The following MTA3 variants were observed in gnomAD, a reference collection of about 807,000 sequenced individuals.
MTA3 encodes metastasis-associated protein MTA3.
A neutral mutation model predicts 83.5 loss-of-function variants in MTA3; 34 were observed. The ratio of observed to expected loss-of-function variants is 0.41; its 90% CI spans 0.31 to 0.54. The LOEUF is 0.54. MTA3 is among the 20% of genes least tolerant of loss of function. The pLI, the probability that MTA3 is intolerant of heterozygous loss-of-function variation, is 0.33. For missense variants in MTA3, 761 were observed against 726.4 expected, an observed-to-expected ratio of 1.05 and a Z score of -0.55; for synonymous variants, 303 against 252.7, an observed-to-expected ratio of 1.20 and a Z score of -1.89.
intron 2 of MTA3, among the ~76,000 whole-genome samples, chr2:42,496,157 T>TA (rs1384791627): frequency 6.6e-6 from 1 of 152,234 alleles, no homozygotes; most frequent in Non-Finnish European, 1.5e-5. Context: ...GTTGAAGAAA[T>TA]ATCTCATTTT....
chr2:42,699,808 C>T (rs1693704424), intron 11 of MTA3, among the ~76,000 whole-genome samples: 1 of 152,130 alleles, frequency 6.6e-6, no homozygotes. Context: ...TGGTCTTAAA[C>T]TCAGTGTGGG....
At chr2:42,597,224 AATT>A (rs906121778) in intron 3 of MTA3, among the ~76,000 whole-genome samples, 1 of 151,412 alleles carries the variant, frequency 6.6e-6, no homozygotes, top group Non-Finnish European at 1.5e-5. Flanking sequence ...CTTTTTAAAA[AATT>A]ATTATTATTA....
chr2:42,554,490 T>C (rs1677285139), intron 2 of MTA3, among the ~76,000 whole-genome samples: 1 of 152,172 alleles, frequency 6.6e-6, no homozygotes, highest in East Asian at 1.9e-4. Flanking sequence ...TCAGCTGTTC[T>C]TAGAGGAAAG....
At chr2:42,556,144 G>GA (rs904921125) in intron 2 of MTA3, among the ~76,000 whole-genome samples, 18 of 150,750 alleles carry the variant, frequency 1.2e-4, no homozygotes, top group East Asian at 5.9e-4. Context: ...GCTCCCTGGG[G>GA]AAAAAAAAAG....
chr2:42,550,974 C>T (rs1015445091), intron 2 of MTA3, among the ~76,000 whole-genome samples: 1 of 151,664 alleles, frequency 6.6e-6, no homozygotes, highest in Non-Finnish European at 1.5e-5. Flanking sequence ...TAGCTTGAAT[C>T]CAGGAGGGGA....
intron 3 of MTA3, among the ~76,000 whole-genome samples, chr2:42,583,547 T>A (rs1679907070): frequency 6.6e-6 from 1 of 152,174 alleles, no homozygotes; most frequent in African/African-American, 2.4e-5. Context: ...TTTTTTTTAT[T>A]TTTTGAGATA....
At chr2:42,618,569 C>T (rs562816483) in intron 4 of MTA3, among the ~76,000 whole-genome samples, 9 of 152,150 alleles carry the variant, frequency 5.9e-5, no homozygotes, top group Admixed American at 2.0e-4. Flanking sequence ...AATTGCATTG[C>T]GCAGAAGTAC....
At chr2:42,648,229 C>T (rs1573466310) in intron 6 of MTA3, among the ~76,000 whole-genome samples, 1 of 152,148 alleles carries the variant, frequency 6.6e-6, no homozygotes, top group East Asian at 1.9e-4. Flanking sequence ...ACTTGAAAAA[C>T]ATGGTCATTG....
In MTA3 at chr2:42,754,488, C is replaced by G; in HGVS notation, c.*1089C>G. 3 of 985,564 alleles carry G rather than the reference C, an allele frequency of 3.0e-6. No individual in the cohort carries two copies. The highest frequency in any genetic ancestry group is 2.4e-6 in the Non-Finnish European group (2 of 830,048). The allele number at this position is 985,564 out of a possible 1,614,324, so 61.1% of individuals were successfully genotyped here. On this transcript the variant is annotated 3_prime_UTR_variant, in exon 17 of 17. Transcript: ENST00000405094. ...TTCCCACCTGCCCTCGGCACGAGCC[C>G]TTGGTGGCATCACAGTTGGCCACTC...
chr2:42,496,157 TATCTC>T (rs1674121535), intron 2 of MTA3, among the ~76,000 whole-genome samples: 1 of 152,234 alleles, frequency 6.6e-6, no homozygotes, highest in African/African-American at 2.4e-5. Context: ...GTTGAAGAAA[TATCTC>T]ATTTTAAATT....
chr2:42,582,064 A>T (rs964609337), intron 3 of MTA3, among the ~76,000 whole-genome samples: 1 of 145,526 alleles, frequency 6.9e-6, no homozygotes, highest in African/African-American at 2.6e-5. Flanking sequence ...GAGATATTTT[A>T]TCTTTTTTTT....
intron 2 of MTA3, among the ~76,000 whole-genome samples, chr2:42,519,149 C>T (rs1675295087): frequency 6.6e-6 from 1 of 152,066 alleles, no homozygotes; most frequent in Non-Finnish European, 1.5e-5. Context: ...CACATGTACC[C>T]CTTGATATGA....
At chr2:42,668,142 A>T (rs1690465390) in intron 8 of MTA3, among the ~76,000 whole-genome samples, 1 of 152,202 alleles carries the variant, frequency 6.6e-6, no homozygotes, top group Non-Finnish European at 1.5e-5. Flanking sequence ...TGATACGTGT[A>T]ACCAAGGATT....
intron 3 of MTA3, among the ~76,000 whole-genome samples, chr2:42,594,728 A>ATATATATATATTTTTTTTTTTTTT: frequency 4.2e-5 from 1 of 24,042 alleles, no homozygotes; most frequent in Non-Finnish European, 6.5e-5. Flanking sequence ...ATATATATAT[A>ATATATATATATTTTTTTTTTTTTT]TTTTTTTTTT....
intron 2 of MTA3, among the ~76,000 whole-genome samples, chr2:42,573,909 C>G (rs1177376794): frequency 1.3e-5 from 2 of 152,034 alleles, no homozygotes; most frequent in Admixed American, 1.3e-4. Flanking sequence ...AGCTCCGCCT[C>G]CTGGGTTCAC....
intron 7 of MTA3, among the ~76,000 whole-genome samples, chr2:42,656,739 C>G (rs756234662): frequency 9.9e-5 from 15 of 152,222 alleles, no homozygotes; most frequent in Admixed American, 2.6e-4. Context: ...AGCTTTCAAC[C>G]TGGCTACCTG....
intron 16 of MTA3, among the ~76,000 whole-genome samples, chr2:42,741,933 T>G (rs1000121895): frequency 6.6e-6 from 1 of 152,012 alleles, no homozygotes; most frequent in Non-Finnish European, 1.5e-5. Flanking sequence ...TAATGCAGAG[T>G]TGCCAACAAA....
At chr2:42,686,443 T>C (rs1462991290) in intron 9 of MTA3, among the ~76,000 whole-genome samples, 1 of 151,942 alleles carries the variant, frequency 6.6e-6, no homozygotes, top group African/African-American at 2.4e-5. Flanking sequence ...TCTCAGCACT[T>C]TGGGAGTCCG....
At chr2:42,513,436 TG>T (rs1248876784) in intron 2 of MTA3, among the ~76,000 whole-genome samples, 1 of 152,086 alleles carries the variant, frequency 6.6e-6, no homozygotes, top group African/African-American at 2.4e-5. Context: ...TAGGAGGTGC[TG>T]GGAAGAAAGG....
Sources: allele counts gnomAD v4.1 joint callset (sites outside exome capture counted in the v4.1 genomes callset), GRCh38; gene constraint gnomAD v4.1.1; transcripts MANE v1.5; gene names NCBI Gene and HGNC (gene_info 2026-07-23, HGNC 2026-07-21).